RHOBTB2: variants seen among roughly 807,000 people sequenced by gnomAD.
RHOBTB2 encodes the protein rho-related BTB domain-containing protein 2.
RHOBTB2 carries 39 observed loss-of-function variants against 66.5 expected under a neutral mutation model. That is an observed-to-expected ratio of 0.59 (90% confidence interval 0.45 to 0.77). RHOBTB2 has a LOEUF of 0.77. Ranked by LOEUF, RHOBTB2 falls within the 30% of genes least tolerant of loss-of-function variation. The pLI, the probability that RHOBTB2 is intolerant of heterozygous loss-of-function variation, is 0.00. For synonymous variants in RHOBTB2, 390 were observed against 395.0 expected, an observed-to-expected ratio of 0.99 and a Z score of 0.15; for missense variants, 755 against 999.1, an observed-to-expected ratio of 0.76 and a Z score of 3.29.
At chr8:22,976,633 CTT>C in the RHOBTB2 span, among the ~76,000 whole-genome samples, 6 of 150,532 alleles carry the variant, frequency 4.0e-5, no homozygotes, top group South Asian at 1.3e-3. Context: ...ATCCATAGAA[CTT>C]TTTTTTTTCT....
intron 1 of RHOBTB2, among the ~76,000 whole-genome samples, chr8:23,001,003 GT>G (rs1483472347): frequency 2.6e-5 from 4 of 151,890 alleles, no homozygotes; most frequent in Admixed American, 2.6e-4. Flanking sequence ...GTGTAGGGGT[GT>G]GGGGGTGGGA....
At chr8:22,989,491 G>A (rs898997380) in intron 1 of RHOBTB2, among the ~76,000 whole-genome samples, 12 of 152,158 alleles carry the variant, frequency 7.9e-5, no homozygotes, top group East Asian at 1.9e-4. Flanking sequence ...ATTGTTCCCC[G>A]GGGTGCTTGT....
chr8:22,999,592 CCTT>C lies in RHOBTB2; in HGVS notation c.-523_-521del. 2 of 1,228,102 alleles carry C rather than the reference CCTT, an allele frequency of 1.6e-6. No homozygotes were observed. Among genetic ancestry groups the C allele is most frequent in the Non-Finnish European group, 2.1e-6 (2 of 966,022 alleles). The allele number at this position is 1,228,102 out of a possible 1,614,324, so 76.1% of individuals were successfully genotyped here. On this transcript the variant is annotated 5_prime_UTR_variant, in exon 1 of 10. Transcript: ENST00000251822. ...GTCTTGGGTGCGATTTTTTTCTCCTCCTTTTTTTACCCTCCCGTTTTTTTCTTT... is the reference window on the plus strand; with the variant it reads ...GTCTTGGGTGCGATTTTTTTCTCCTCTTTTTACCCTCCCGTTTTTTTCTTT...
At position 23,006,029 on chromosome 8, in the gene RHOBTB2, G is replaced by A; in HGVS notation, c.366G>A (p.Trp122Ter). ...PNSLHHVKTM[W>*]YPEIKHFCPR... The stretch of plus-strand genomic sequence containing the variant: ...CCCTCCACCATGTCAAGACCATGTG[G>A]TACCCAGAAATCAAGCACTTCTGCC... Residue 122 changes from tryptophan to a stop codon, truncating the protein, a stop_gained, in exon 4 of 10, where the codon TGG becomes TGA. Transcript: ENST00000251822. LOFTEE classifies it high-confidence loss of function. The surrounding 1 kb of genome is among the most constrained non-coding windows in gnomAD (Gnocchi z 6.1). 2 of 1,613,774 alleles carry A rather than the reference G, an allele frequency of 1.2e-6. No individual in the cohort carries two copies. Among genetic ancestry groups the A allele is most frequent in the Non-Finnish European group, 1.7e-6 (2 of 1,179,884 alleles).
chr8:22,986,001 G>A (rs983686160), upstream of RHOBTB2, among the ~76,000 whole-genome samples: 1 of 152,172 alleles, frequency 6.6e-6, no homozygotes, highest in Non-Finnish European at 1.5e-5. Context: ...GCTGGAAGGG[G>A]GAAGCAGGTC....
upstream of RHOBTB2, among the ~76,000 whole-genome samples, chr8:22,996,968 G>A (rs1016819231): frequency 1.6e-3 from 245 of 152,278 alleles, no homozygotes; most frequent in Non-Finnish European, 3.2e-3. Context: ...TCCCGGGGCA[G>A]TCCTGGCCAG....
intron 9 of RHOBTB2, among the ~76,000 whole-genome samples, chr8:23,016,912 A>G (rs1563297509): frequency 6.6e-6 from 1 of 151,906 alleles, no homozygotes; most frequent in African/African-American, 2.4e-5. Context: ...TTCCACTCTC[A>G]TCCCCTAACC....
upstream of RHOBTB2, among the ~76,000 whole-genome samples, chr8:22,997,921 A>G (rs1810621400): frequency 6.6e-6 from 1 of 152,260 alleles, no homozygotes; most frequent in Non-Finnish European, 1.5e-5. Context: ...ATGTGGAGGA[A>G]GAACATGTGT....
At chr8:22,997,310 G>C (rs1161091820), upstream of RHOBTB2, among the ~76,000 whole-genome samples, 1 of 152,114 alleles carries the variant, frequency 6.6e-6, no homozygotes, top group Non-Finnish European at 1.5e-5. Flanking sequence ...AGCCCTAGAG[G>C]TGAAATGATG....
At chr8:22,962,009 G>C in the RHOBTB2 span, among the ~76,000 whole-genome samples, 5 of 151,820 alleles carry the variant, frequency 3.3e-5, no homozygotes, top group African/African-American at 1.2e-4. Context: ...CCAAATTTAC[G>C]GAAAAGCCAG....
chr8:22,959,455 T>C, the RHOBTB2 span, among the ~76,000 whole-genome samples: 1 of 152,130 alleles, frequency 6.6e-6, no homozygotes, highest in Non-Finnish European at 1.5e-5. Context: ...GGTTTTGCCA[T>C]GTTGGTCAGG....
At chr8:22,989,808 G>A (rs1405192272) in intron 1 of RHOBTB2, among the ~76,000 whole-genome samples, 2 of 152,168 alleles carry the variant, frequency 1.3e-5, no homozygotes, top group African/African-American at 2.4e-5. Flanking sequence ...ACGTGCTAGG[G>A]CAAGAGGCCT....
At chr8:22,972,269 T>C in the RHOBTB2 span, among the ~76,000 whole-genome samples, 2 of 152,188 alleles carry the variant, frequency 1.3e-5, no homozygotes, top group Non-Finnish European at 2.9e-5. Flanking sequence ...TCTTTTAAAA[T>C]TAGAAGAATA....
chr8:22,989,889 C>T (rs1470897048), intron 1 of RHOBTB2, among the ~76,000 whole-genome samples: 1 of 152,234 alleles, frequency 6.6e-6, no homozygotes, highest in African/African-American at 2.4e-5. Flanking sequence ...CCTCATCCTG[C>T]CTGCCTGCTT....
At chr8:23,012,459 CA>C (rs1563295122) in intron 7 of RHOBTB2, among the ~76,000 whole-genome samples, 1 of 152,172 alleles carries the variant, frequency 6.6e-6, no homozygotes. Context: ...TGTTAAGGAT[CA>C]GGGGAAGATG....
intron 8 of RHOBTB2, among the ~76,000 whole-genome samples, chr8:23,015,097 T>A (rs929142702): frequency 3.0e-4 from 46 of 152,152 alleles, no homozygotes; most frequent in African/African-American, 1.1e-3. Flanking sequence ...CTGAGGACTT[T>A]CCATCTGAAA....
the RHOBTB2 span, chr8:22,978,047 C>G: frequency 6.6e-6 from 1 of 152,080 alleles, no homozygotes; most frequent in East Asian, 1.9e-4. Context: ...AAGGAAAACT[C>G]CCGTGCTGAT....
At chr8:22,965,344 T>C in the RHOBTB2 span, among the ~76,000 whole-genome samples, 53 of 152,206 alleles carry the variant, frequency 3.5e-4, no homozygotes, top group African/African-American at 1.2e-3. Flanking sequence ...GTTGCTAAGA[T>C]GTCAATACTA....
At chr8:23,001,880 A>C (rs7834096) in intron 1 of RHOBTB2, among the ~76,000 whole-genome samples, 7,953 of 152,236 alleles carry the variant, frequency 0.052, 672 homozygotes, top group African/African-American at 0.18. Context: ...CGCAACCCAG[A>C]AGGTCTGATG....
Sources: allele counts gnomAD v4.1 joint callset (sites outside exome capture counted in the v4.1 genomes callset), GRCh38; gene constraint gnomAD v4.1.1; non-coding constraint Gnocchi (gnomAD v3.1); transcripts MANE v1.5; gene names NCBI Gene and HGNC (gene_info 2026-07-23, HGNC 2026-07-21).